The following CCDC3 variants were observed in gnomAD, a reference collection of about 807,000 sequenced individuals.
The protein encoded by CCDC3 is coiled-coil domain-containing protein 3.
A neutral mutation model predicts 21.4 loss-of-function variants in CCDC3; 24 were observed. That is an observed-to-expected ratio of 1.12 (90% confidence interval 0.81 to 1.58). The LOEUF is 1.58. Among genes scored for constraint, CCDC3 ranks in the 40% most tolerant of loss-of-function variants. The pLI is 0.00. For missense variants in CCDC3, 425 were observed against 360.9 expected, an observed-to-expected ratio of 1.18 and a Z score of -1.44; for synonymous variants, 186 against 166.0, an observed-to-expected ratio of 1.12 and a Z score of -0.93.
At chr10:12,971,605 G>A (rs571290721) in intron 2 of CCDC3, among the ~76,000 whole-genome samples, 3 of 152,280 alleles carry the variant, frequency 2.0e-5, no homozygotes, top group South Asian at 2.1e-4. Flanking sequence ...TCTCCCGCCC[G>A]TGTTGTAACA....
chr10:12,906,160 T>C (rs142128197), intron 2 of CCDC3, among the ~76,000 whole-genome samples: 8 of 152,224 alleles, frequency 5.3e-5, no homozygotes, highest in Non-Finnish European at 1.0e-4. Context: ...CACTGGAGGA[T>C]GCCCAGAGCT....
chr10:13,073,547 G>A (rs1223221161), intron 4 of CCDC3, among the ~76,000 whole-genome samples: 1 of 103,394 alleles, frequency 9.7e-6, no homozygotes, highest in Non-Finnish European at 2.3e-5. Flanking sequence ...TGTCACCCAG[G>A]CTGGCTCACT....
At chr10:12,976,262 C>T (rs971553195) in intron 2 of CCDC3, among the ~76,000 whole-genome samples, 1 of 152,214 alleles carries the variant, frequency 6.6e-6, no homozygotes, top group Non-Finnish European at 1.5e-5. Flanking sequence ...TAAACAAAGG[C>T]GTTTTAGGAC....
intron 2 of CCDC3, among the ~76,000 whole-genome samples, chr10:12,982,976 G>A (rs1328646195): frequency 6.6e-6 from 1 of 150,698 alleles, no homozygotes; most frequent in African/African-American, 2.4e-5. Flanking sequence ...GCTGGGCATG[G>A]TGGCGGGTGC....
At chr10:13,039,916 T>A (rs1054207816) in intron 5 of CCDC3, among the ~76,000 whole-genome samples, 7 of 151,558 alleles carry the variant, frequency 4.6e-5, no homozygotes, top group African/African-American at 1.2e-4. Context: ...CAGAAAGGTT[T>A]CACAGAAAAG....
intron 3 of CCDC3, among the ~76,000 whole-genome samples, chr10:13,075,089 T>G (rs998842057): frequency 6.6e-6 from 1 of 152,192 alleles, no homozygotes; most frequent in Non-Finnish European, 1.5e-5. Flanking sequence ...CCTGGCTCCC[T>G]GATGAACGAA....
chr10:13,031,720 CAAAT>C (rs1290665058), intron 5 of CCDC3, among the ~76,000 whole-genome samples: 1 of 152,152 alleles, frequency 6.6e-6, no homozygotes, highest in Admixed American at 6.6e-5. Flanking sequence ...CACCTCTACA[CAAAT>C]AAACTAGAAA....
chr10:13,045,933 A>G (rs2131421549), intron 5 of CCDC3, among the ~76,000 whole-genome samples: 1 of 152,044 alleles, frequency 6.6e-6, no homozygotes, highest in Admixed American at 6.6e-5. Context: ...TAGGAAAAAT[A>G]CAAAAATTAG....
At chr10:13,018,784 A>G (rs1208613767) in intron 5 of CCDC3, among the ~76,000 whole-genome samples, 1 of 151,398 alleles carries the variant, frequency 6.6e-6, no homozygotes, top group Non-Finnish European at 1.5e-5. Flanking sequence ...TACAAAAAAA[A>G]TCAGCTGGGC....
chr10:13,011,893 A>G (rs1835988222), intron 5 of CCDC3, among the ~76,000 whole-genome samples: 2 of 152,202 alleles, frequency 1.3e-5, no homozygotes, highest in South Asian at 4.1e-4. Context: ...AAATAAAGGC[A>G]CACACCTACA....
Position 12,898,538 on chromosome 10 carries a change from C to A in CCDC3, c.691G>T (p.Ala231Ser). Reference protein sequence around the residue: ...VKKVKRSLRQARKKGRHLELA... With the variant: ...VKKVKRSLRQSRKKGRHLELA... ...TCCAGGTGGCGGCCCTTCTTACGCG[C>A]CTGCCGCAAGGACCTCTTGACCTTC... Residue 231 changes from alanine (A) to serine (S), a missense_variant, in exon 3 of 3, where the codon GCG becomes TCG. Ala to Ser is a moderately conservative substitution (Grantham distance 99, BLOSUM62 1). Coordinates refer to ENST00000378825, the MANE Select transcript of CCDC3 (RefSeq NM_031455.4). The A allele has an allele frequency of 6.2e-7, 1 of 1,614,222 alleles. No homozygotes were observed. Among genetic ancestry groups the A allele is most frequent in the South Asian group, 1.1e-5 (1 of 91,084 alleles).
At chr10:13,051,272 A>G (rs1201042618) in intron 4 of CCDC3, among the ~76,000 whole-genome samples, 1 of 152,062 alleles carries the variant, frequency 6.6e-6, no homozygotes, top group African/African-American at 2.4e-5. Flanking sequence ...CAGCAAGGCC[A>G]CTCCAGCGCT....
rs115768729 is a variant in CCDC3, at chr10:12,963,865, G to A, written c.549+34473C>T. On this transcript the variant is annotated intron_variant, in intron 2 of 2. Transcript: ENST00000378825. ...CCCAAAGTGCTGGGATTACTGGCGT[G>A]AGCCACCAAGCCTGGCCTGAACTCC... Among the ~76,000 whole-genome samples the A allele has an allele frequency of 8.3e-4, 127 of 152,268 alleles. 1 individual carries two copies. The highest frequency in any genetic ancestry group is 2.8e-3 in the African/African-American group (118 of 41,554).
intron 3 of CCDC3, among the ~76,000 whole-genome samples, chr10:13,074,371 AGACG>A (rs1199676627): frequency 2.4e-5 from 2 of 83,896 alleles, no homozygotes; most frequent in Non-Finnish European, 4.5e-5. Context: ...TTTGTAGTAG[AGACG>A]GGGTTTTTCC....
intron 5 of CCDC3, among the ~76,000 whole-genome samples, chr10:13,042,906 C>CAA (rs55911312): frequency 1.0e-4 from 10 of 100,400 alleles, no homozygotes; most frequent in African/African-American, 2.1e-4. Flanking sequence ...GAGACTGTCT[C>CAA]AAAAAAAAAA....
intron 5 of CCDC3, among the ~76,000 whole-genome samples, chr10:13,040,653 G>T (rs1836441072): frequency 6.6e-6 from 1 of 150,892 alleles, no homozygotes; most frequent in African/African-American, 2.4e-5. Context: ...CTATGCCACT[G>T]CACTGTAGCC....
chr10:13,038,783 T>C (rs896118328), intron 5 of CCDC3, among the ~76,000 whole-genome samples: 6 of 152,232 alleles, frequency 3.9e-5, no homozygotes, highest in Non-Finnish European at 8.8e-5. Context: ...GGGAGCATCT[T>C]GCTCCCGCTG....
chr10:12,993,631 G>A (rs930065146), intron 2 of CCDC3, among the ~76,000 whole-genome samples: 2 of 152,202 alleles, frequency 1.3e-5, no homozygotes, highest in Admixed American at 6.5e-5. Context: ...AAGGAAAAAT[G>A]TCCTTGGCTG....
chr10:12,934,994 AACAAACTCCT>A (rs1447732396), intron 2 of CCDC3, among the ~76,000 whole-genome samples: 3 of 151,914 alleles, frequency 2.0e-5, no homozygotes, highest in Non-Finnish European at 2.9e-5. Context: ...ACCATTACGT[AACAAACTCCT>A]AGGCTCAAGC....
Sources: gnomAD v4.1 joint callset for allele counts (sites outside exome capture counted in the v4.1 genomes callset) on GRCh38, gnomAD v4.1.1 for gene constraint, MANE v1.5 for transcripts, NCBI Gene and HGNC (gene_info 2026-07-23, HGNC 2026-07-21) for gene names.